Variants in DDX4 observed in about 807,000 individuals in gnomAD.
DDX4 encodes probable ATP-dependent RNA helicase DDX4.
Under a neutral mutation model 100.0 loss-of-function variants are expected in DDX4, and 25 were observed. That is an observed-to-expected ratio of 0.25 (90% CI 0.18 to 0.35). DDX4 has a LOEUF of 0.35. Ranked by LOEUF, DDX4 falls within the 10% of genes least tolerant of loss-of-function variation. The probability of loss-of-function intolerance (pLI) is 1.00; values close to 1 mark genes in which losing one functional copy is unlikely to be tolerated. For synonymous variants in DDX4, 259 were observed against 275.7 expected, an observed-to-expected ratio of 0.94 and a Z score of 0.60; for missense variants, 635 against 882.4, an observed-to-expected ratio of 0.72 and a Z score of 3.55.
At chr5:55,795,228 G>A (rs1014381760) in intron 17 of DDX4, among the ~76,000 whole-genome samples, 3 of 152,176 alleles carry the variant, frequency 2.0e-5, no homozygotes, top group Non-Finnish European at 4.4e-5. Context: ...GCCTCCCAGA[G>A]TGCTGGGATT....
intron 3 of DDX4, among the ~76,000 whole-genome samples, chr5:55,754,912 G>A (rs1383575310): frequency 1.3e-5 from 2 of 152,158 alleles, no homozygotes; most frequent in African/African-American, 2.4e-5. Flanking sequence ...GAGAGTGTAT[G>A]TGTCAAGGAA....
intron 7 of DDX4, among the ~76,000 whole-genome samples, chr5:55,768,304 C>G (rs1226365469): frequency 6.6e-6 from 1 of 152,048 alleles, no homozygotes; most frequent in African/African-American, 2.4e-5. Context: ...TAAAGTAGGC[C>G]CCAGTGTCTG....
intron 15 of DDX4, among the ~76,000 whole-genome samples, chr5:55,788,742 C>T (rs1742381063): frequency 6.6e-6 from 1 of 152,056 alleles, no homozygotes. Flanking sequence ...CTATTGTAAA[C>T]AAAATTGCAA....
chr5:55,783,808 GTTCAA>G (rs779041415), intron 10 of DDX4, among the ~76,000 whole-genome samples: 6 of 149,666 alleles, frequency 4.0e-5, no homozygotes, highest in Non-Finnish European at 8.9e-5. Flanking sequence ...CAGTAGTATT[GTTCAA>G]TTCAAGTCCA....
intron 9 of DDX4, among the ~76,000 whole-genome samples, chr5:55,781,658 T>G (rs1378385935): frequency 6.6e-6 from 1 of 151,670 alleles, no homozygotes; most frequent in Non-Finnish European, 1.5e-5. Context: ...GTGCCTGTAG[T>G]CCCAGCTACT....
chr5:55,741,269 A>G (rs1030033979), intron 2 of DDX4, among the ~76,000 whole-genome samples: 1 of 152,226 alleles, frequency 6.6e-6, no homozygotes, highest in African/African-American at 2.4e-5. Context: ...ATGCTATTCA[A>G]TAACATAGTT....
intron 7 of DDX4, among the ~76,000 whole-genome samples, chr5:55,771,236 T>C (rs1741236286): frequency 6.6e-6 from 1 of 152,190 alleles, no homozygotes; most frequent in Admixed American, 6.5e-5. Flanking sequence ...TTCACCAGCA[T>C]TCAGGTCATG....
chr5:55,781,152 A>G lies in DDX4; in HGVS notation c.577+6A>G, dbSNP rs1741887791. On this transcript the variant is annotated splice_donor_region_variant and intron_variant, in intron 9 of 21. Transcript: ENST00000505374. ...ACCAGTATTAAGTGGCACAGGTGAG[A>G]AATAGAACTTATTACTGAATATTAG... The G allele has an allele frequency of 6.2e-7, 1 of 1,603,550 alleles. No homozygotes were observed.
At position 55,816,551 on chromosome 5, in the gene DDX4, T is replaced by G; in HGVS notation, c.*11T>G. 1 of 1,610,432 alleles carries G rather than the reference T, an allele frequency of 6.2e-7. No homozygotes were observed. The highest frequency in any genetic ancestry group is 8.5e-7 in the Non-Finnish European group (1 of 1,178,658). ...GAGTCATGGGATTAAAGCCAAAACA[T>G]CCTTCAAGTCTGTGGTTTTGATGCA... On this transcript the variant is annotated 3_prime_UTR_variant, in exon 22 of 22. Transcript: ENST00000505374.
intron 3 of DDX4, among the ~76,000 whole-genome samples, chr5:55,755,764 T>C (rs1477800128): frequency 6.6e-6 from 1 of 152,118 alleles, no homozygotes. Flanking sequence ...AGATTCAATA[T>C]GTATTTCAGT....
rs1016452703 is a variant in DDX4, at chr5:55,779,307, A to G, written c.395-657A>G. ...AATACATATACTCTAATATTCAGAA[A>G]TAGCATATATAGAATTTATCTTTAT... On this transcript the variant is annotated intron_variant, in intron 7 of 21. Coordinates refer to ENST00000505374, the MANE Select transcript of DDX4 (RefSeq NM_024415.3). 1.3e-5 allele frequency among the ~76,000 whole-genome samples: 2 copies of G among 152,200 alleles called. 1 individual carries two copies. Among genetic ancestry groups the G allele is most frequent in the East Asian group, 3.9e-4 (2 of 5,194 alleles).
chr5:55,790,327 G>A (rs1051381257), intron 15 of DDX4, among the ~76,000 whole-genome samples: 5 of 151,894 alleles, frequency 3.3e-5, no homozygotes, highest in African/African-American at 9.7e-5. Context: ...TGCATTTTTA[G>A]TAGAGACTGG....
intron 17 of DDX4, 91 bp from the exon 18 acceptor site, chr5:55,798,335 A>C: frequency 7.5e-7 from 1 of 1,329,932 alleles, no homozygotes; most frequent in Non-Finnish European, 1.0e-6. Context: ...TGTCTGATTA[A>C]TATTGAGATA....
At chr5:55,803,155 G>A (rs1743436037) in intron 18 of DDX4, among the ~76,000 whole-genome samples, 1 of 142,620 alleles carries the variant, frequency 7.0e-6, no homozygotes, top group Admixed American at 7.5e-5. Context: ...GTGTCCAAGT[G>A]TTCTCATTGT....
intron 18 of DDX4, among the ~76,000 whole-genome samples, chr5:55,802,889 C>T (rs1284117036): frequency 6.6e-6 from 1 of 151,908 alleles, no homozygotes; most frequent in Non-Finnish European, 1.5e-5. Context: ...GTAATAAAGC[C>T]ATTTAAAAAA....
intron 3 of DDX4, among the ~76,000 whole-genome samples, chr5:55,750,628 C>T (rs1329927734): frequency 1.3e-5 from 2 of 152,138 alleles, no homozygotes; most frequent in Non-Finnish European, 2.9e-5. Context: ...AATATTTCTT[C>T]ATTGGAACTC....
At chr5:55,751,095 C>T (rs1272457938) in intron 3 of DDX4, among the ~76,000 whole-genome samples, 2 of 152,182 alleles carry the variant, frequency 1.3e-5, no homozygotes, top group Non-Finnish European at 2.9e-5. Flanking sequence ...AAAAATTGCT[C>T]TCCAGAATAG....
At chr5:55,764,695 T>C (rs531191680) in intron 6 of DDX4, among the ~76,000 whole-genome samples, 2 of 152,330 alleles carry the variant, frequency 1.3e-5, no homozygotes, top group African/African-American at 2.4e-5. Context: ...TAGAACACTT[T>C]AGGGTGCCAA....
chr5:55,744,616 A>G (rs999818472), intron 2 of DDX4, among the ~76,000 whole-genome samples: 5 of 152,244 alleles, frequency 3.3e-5, no homozygotes, highest in African/African-American at 7.2e-5. Flanking sequence ...CAGTCATTCT[A>G]CCACTGCTAA....
Sources: allele counts gnomAD v4.1 joint callset (sites outside exome capture counted in the v4.1 genomes callset), GRCh38; gene constraint gnomAD v4.1.1; transcripts MANE v1.5; gene names NCBI Gene and HGNC (gene_info 2026-07-23, HGNC 2026-07-21).